AGBL4: variants seen among roughly 807,000 people sequenced by gnomAD.
The protein encoded by AGBL4 is cytosolic carboxypeptidase 6.
A neutral mutation model predicts 66.4 loss-of-function variants in AGBL4; 58 were observed. That is an observed-to-expected ratio of 0.87 (90% CI 0.71 to 1.09). AGBL4 has a LOEUF of 1.09. AGBL4 is among the 50% of genes least tolerant of loss of function. The pLI, the probability that AGBL4 is intolerant of heterozygous loss-of-function variation, is 0.00. For missense variants in AGBL4, 579 were observed against 631.0 expected (o/e 0.92, Z 0.88); for synonymous variants, 234 against 222.9 (o/e 1.05, Z -0.44).
intron 6 of AGBL4, among the ~76,000 whole-genome samples, chr1:48,663,547 G>A (rs1484410): frequency 6.6e-6 from 1 of 152,180 alleles, no homozygotes; most frequent in African/African-American, 2.4e-5. Context: ...TGTGACTTTA[G>A]GCAACTTGTG....
chr1:49,423,378 G>C, intron 3 of AGBL4, among the ~76,000 whole-genome samples: 1 of 152,180 alleles, frequency 6.6e-6, no homozygotes, highest in East Asian at 1.9e-4. Context: ...CATCCTGTAA[G>C]TTAACTGGAA....
At chr1:49,264,869 G>C (rs1653573087) in intron 3 of AGBL4, among the ~76,000 whole-genome samples, 1 of 152,094 alleles carries the variant, frequency 6.6e-6, no homozygotes, top group South Asian at 2.1e-4. Flanking sequence ...GATAATTGTA[G>C]TTTCATGATA....
intron 3 of AGBL4, among the ~76,000 whole-genome samples, chr1:49,604,396 G>C (rs2124187526): frequency 6.6e-6 from 1 of 152,156 alleles, no homozygotes; most frequent in East Asian, 1.9e-4. Context: ...TATCTATTAA[G>C]GTCATTTACC....
At chr1:49,596,559 C>T (rs1363291135) in intron 3 of AGBL4, among the ~76,000 whole-genome samples, 1 of 152,122 alleles carries the variant, frequency 6.6e-6, no homozygotes, top group Non-Finnish European at 1.5e-5. Context: ...TTTAATCATT[C>T]TAGAAATGTA....
chr1:49,735,283 G>A (rs1402291619), intron 2 of AGBL4, among the ~76,000 whole-genome samples: 1 of 141,782 alleles, frequency 7.1e-6, no homozygotes, highest in Non-Finnish European at 1.5e-5. Flanking sequence ...AAACAAAGAG[G>A]TAGAGGTGTG....
intron 6 of AGBL4, among the ~76,000 whole-genome samples, chr1:48,668,871 T>C (rs1043618684): frequency 2.0e-5 from 3 of 152,158 alleles, no homozygotes; most frequent in South Asian, 4.1e-4. Flanking sequence ...TGAGAATATA[T>C]AGGTTTAGGA....
At chr1:49,386,216 A>T (rs1644732684) in intron 3 of AGBL4, among the ~76,000 whole-genome samples, 1 of 152,038 alleles carries the variant, frequency 6.6e-6, no homozygotes, top group South Asian at 2.1e-4. Context: ...TTCATTAACC[A>T]TATCAGTTTA....
chr1:49,987,969 C>T (rs1659641229), intron 1 of AGBL4, among the ~76,000 whole-genome samples: 2 of 151,458 alleles, frequency 1.3e-5, no homozygotes, highest in Admixed American at 6.6e-5. Flanking sequence ...AAAAAAAACC[C>T]CTATTCTTTT....
intron 6 of AGBL4, among the ~76,000 whole-genome samples, chr1:48,777,221 A>G (rs1645145693): frequency 6.6e-6 from 1 of 152,266 alleles, no homozygotes; most frequent in South Asian, 2.1e-4. Flanking sequence ...GCATTGATTA[A>G]AAGGTGCGCT....
chr1:49,997,637 A>G (rs1660462111), intron 1 of AGBL4, among the ~76,000 whole-genome samples: 1 of 152,168 alleles, frequency 6.6e-6, no homozygotes, highest in Admixed American at 6.5e-5. Flanking sequence ...TGAGATTACT[A>G]GACAGGTCAT....
intron 4 of AGBL4, among the ~76,000 whole-genome samples, chr1:49,163,281 C>T (rs2148145263): frequency 6.6e-6 from 1 of 152,196 alleles, no homozygotes; most frequent in South Asian, 2.1e-4. Flanking sequence ...AGACACTTTC[C>T]TCCTTCTCAT....
chr1:48,878,501 C>T (rs1570904345), intron 5 of AGBL4, among the ~76,000 whole-genome samples: 1 of 152,176 alleles, frequency 6.6e-6, no homozygotes, highest in South Asian at 2.1e-4. Flanking sequence ...TAGCTAAGTG[C>T]TTGGAATTTT....
At chr1:49,928,495 C>T (rs888102979) in intron 1 of AGBL4, among the ~76,000 whole-genome samples, 2 of 152,098 alleles carry the variant, frequency 1.3e-5, no homozygotes, top group Non-Finnish European at 2.9e-5. Flanking sequence ...GTGATCCACC[C>T]ACCTTGACCT....
rs562907174 is a variant in AGBL4 at position 48,711,585 on chromosome 1, T to A, written c.635-48344A>T. ...CGGATGGGCTTATCCCAGCAATTGC[T>A]GCTCACCCCCGGGGCTGGATCTGCA... On this transcript the variant is annotated intron_variant, in intron 6 of 13. Coordinates refer to ENST00000371839, the MANE Select transcript of AGBL4 (RefSeq NM_032785.4). 6.6e-5 allele frequency among the ~76,000 whole-genome samples: 10 copies of A among 152,258 alleles called. No homozygotes were observed. The South Asian group carries it at 1.9e-3, about 28-fold the overall frequency.
At chr1:49,232,863 A>G (rs1168367631) in intron 4 of AGBL4, among the ~76,000 whole-genome samples, 1 of 152,186 alleles carries the variant, frequency 6.6e-6, no homozygotes, top group South Asian at 2.1e-4. Context: ...AGAACACACA[A>G]AAAAGAGAAA....
intron 2 of AGBL4, among the ~76,000 whole-genome samples, chr1:49,828,262 T>C (rs919397891): frequency 6.6e-6 from 1 of 152,198 alleles, no homozygotes; most frequent in Non-Finnish European, 1.5e-5. Flanking sequence ...ATAGACAAAG[T>C]AACTATTCTT....
intron 4 of AGBL4, among the ~76,000 whole-genome samples, chr1:49,188,088 G>C (rs917262302): frequency 1.4e-4 from 21 of 152,046 alleles, no homozygotes; most frequent in Non-Finnish European, 2.8e-4. Context: ...ATGATTGTGA[G>C]TCCCCCCTAG....
chr1:49,629,334 A>G (rs1645524979), intron 3 of AGBL4, among the ~76,000 whole-genome samples: 1 of 152,196 alleles, frequency 6.6e-6, no homozygotes, highest in Non-Finnish European at 1.5e-5. Flanking sequence ...CATTCCCCCA[A>G]CATGGCAGGA....
At chr1:49,745,577 T>C (rs1203656295) in intron 2 of AGBL4, among the ~76,000 whole-genome samples, 1 of 151,834 alleles carries the variant, frequency 6.6e-6, no homozygotes, top group Non-Finnish European at 1.5e-5. Flanking sequence ...ACTCTATTAA[T>C]ATCAGACAAA....
Sources: gnomAD v4.1 joint callset for allele counts (sites outside exome capture counted in the v4.1 genomes callset) on GRCh38, gnomAD v4.1.1 for gene constraint, MANE v1.5 for transcripts, NCBI Gene and HGNC (gene_info 2026-07-23, HGNC 2026-07-21) for gene names.